TMEM117: variants seen among roughly 807,000 people sequenced by gnomAD.
TMEM117 encodes the protein transmembrane protein 117.
Under a neutral mutation model 52.4 loss-of-function variants are expected in TMEM117, and 27 were observed. That is an observed-to-expected ratio of 0.51 (90% CI 0.38 to 0.71). TMEM117 has a LOEUF of 0.71. Among genes scored for constraint, TMEM117 ranks in the 30% least tolerant of loss-of-function variants. The pLI is 0.00. For missense variants in TMEM117, 556 were observed against 630.5 expected (o/e 0.88, Z 1.26); for synonymous variants, 215 against 206.3 (o/e 1.04, Z -0.36).
At chr12:44,153,206 G>A (rs142798070) in intron 4 of TMEM117, among the ~76,000 whole-genome samples, 1 of 151,942 alleles carries the variant, frequency 6.6e-6, no homozygotes, top group African/African-American at 2.4e-5. Context: ...CTGAAGCTTA[G>A]GAGGTTAAGT....
chr12:43,966,638 A>G (rs1592399921), intron 3 of TMEM117, among the ~76,000 whole-genome samples: 1 of 152,204 alleles, frequency 6.6e-6, no homozygotes, highest in Admixed American at 6.5e-5. Flanking sequence ...GTTCAGTACT[A>G]TTAATAATAG....
intron 2 of TMEM117, among the ~76,000 whole-genome samples, chr12:43,881,979 G>A (rs1381292793): frequency 6.6e-6 from 1 of 151,836 alleles, no homozygotes; most frequent in East Asian, 1.9e-4. Flanking sequence ...GGCTGAGGCA[G>A]GAGAATGGCG....
chr12:44,376,969 A>G (rs1453825499), intron 7 of TMEM117, among the ~76,000 whole-genome samples: 1 of 152,148 alleles, frequency 6.6e-6, no homozygotes, highest in Admixed American at 6.6e-5. Context: ...AAATACAGAG[A>G]ATGGGGAAAG....
rs372074935 is a variant in TMEM117 at position 43,906,492 on chromosome 12, C to T, written c.278-37718C>T. Among the ~76,000 whole-genome samples, 31 of 151,050 alleles carry T rather than the reference C, an allele frequency of 2.1e-4. No individual in the cohort carries two copies. In the South Asian group the frequency reaches 6.5e-3, roughly 32 times the overall value. On this transcript the variant is annotated intron_variant, in intron 2 of 7. Coordinates refer to ENST00000266534, the MANE Select transcript of TMEM117 (RefSeq NM_032256.3). ...AAAAAAAAAGAAAGCGGGGGAGGAGCCAAGATGGCCGAATAGGAACAGCTC... is the reference window on the plus strand; with the variant it reads ...AAAAAAAAAGAAAGCGGGGGAGGAGTCAAGATGGCCGAATAGGAACAGCTC...
At chr12:43,936,721 TG>T (rs1944957361) in intron 2 of TMEM117, among the ~76,000 whole-genome samples, 1 of 152,196 alleles carries the variant, frequency 6.6e-6, no homozygotes, top group Admixed American at 6.5e-5. Flanking sequence ...TTAGGTCAGA[TG>T]CAGCCAGGAT....
intron 3 of TMEM117, among the ~76,000 whole-genome samples, chr12:43,975,608 G>C (rs139967060): frequency 1.3e-5 from 2 of 152,298 alleles, no homozygotes; most frequent in Admixed American, 1.3e-4. Flanking sequence ...TAGCTACATG[G>C]AGTTTTCCTA....
intron 2 of TMEM117, among the ~76,000 whole-genome samples, chr12:43,932,146 T>A (rs1307835055): frequency 6.6e-6 from 1 of 152,152 alleles, no homozygotes; most frequent in African/African-American, 2.4e-5. Flanking sequence ...CCATATGAGT[T>A]ACTATCATTA....
intron 2 of TMEM117, among the ~76,000 whole-genome samples, chr12:43,936,862 A>T (rs896480415): frequency 6.6e-6 from 1 of 152,156 alleles, no homozygotes; most frequent in Non-Finnish European, 1.5e-5. Flanking sequence ...TGTGATAAAG[A>T]TTACTCTTTC....
At chr12:43,913,953 A>G (rs1473693346) in intron 2 of TMEM117, among the ~76,000 whole-genome samples, 1 of 152,160 alleles carries the variant, frequency 6.6e-6, no homozygotes, top group East Asian at 1.9e-4. Context: ...ATATTGATGT[A>G]TTTTAATTGA....
intron 5 of TMEM117, among the ~76,000 whole-genome samples, chr12:44,242,907 G>T (rs1950081357): frequency 6.6e-6 from 1 of 151,298 alleles, no homozygotes; most frequent in African/African-American, 2.4e-5. Flanking sequence ...CCTTTTTTGT[G>T]CAACCTCGTG....
At chr12:44,017,325 C>CTTTT (rs1946388067) in intron 3 of TMEM117, among the ~76,000 whole-genome samples, 1 of 117,324 alleles carries the variant, frequency 8.5e-6, no homozygotes, top group Non-Finnish European at 1.7e-5. Context: ...TTCTTTCTTT[C>CTTTT]CTTTTTTTTT....
At chr12:43,843,113 A>T (rs572385224) in intron 1 of TMEM117, among the ~76,000 whole-genome samples, 1 of 152,230 alleles carries the variant, frequency 6.6e-6, no homozygotes, top group Non-Finnish European at 1.5e-5. Context: ...ATACACGCAG[A>T]CATCCAGCAC....
At chr12:44,046,604 G>A (rs955213544) in intron 3 of TMEM117, among the ~76,000 whole-genome samples, 1 of 152,146 alleles carries the variant, frequency 6.6e-6, no homozygotes, top group Non-Finnish European at 1.5e-5. Flanking sequence ...GCTTGCTGAA[G>A]GCAAAGGGAA....
At chr12:44,272,053 G>A (rs1045180985) in intron 5 of TMEM117, among the ~76,000 whole-genome samples, 1 of 152,048 alleles carries the variant, frequency 6.6e-6, no homozygotes, top group Admixed American at 6.6e-5. Flanking sequence ...ATACTCGTTA[G>A]AGTGGCTGCA....
At position 44,091,239 on chromosome 12, in the gene TMEM117, A is replaced by G. The variant is rs563332334; in HGVS notation, c.411-52286A>G. Among the ~76,000 whole-genome samples, 151 of 152,210 alleles carry G rather than the reference A, an allele frequency of 9.9e-4. 1 individual carries two copies. Among genetic ancestry groups the G allele is most frequent in the Non-Finnish European group, 2.0e-3 (135 of 68,010 alleles). On this transcript the variant is annotated intron_variant, in intron 3 of 7. Transcript: ENST00000266534. ...CTATCATGAGAATAACACAGGAAAG[A>G]CCAGCCCCCATGATTCAATTACCTC...
At chr12:43,910,601 G>T (rs185350971) in intron 2 of TMEM117, among the ~76,000 whole-genome samples, 2 of 152,010 alleles carry the variant, frequency 1.3e-5, no homozygotes, top group Non-Finnish European at 2.9e-5. Context: ...AAACCCCGTT[G>T]TCTCAGCCCA....
intron 2 of TMEM117, among the ~76,000 whole-genome samples, chr12:43,885,614 A>G (rs756479290): frequency 1.1e-3 from 162 of 151,256 alleles, no homozygotes; most frequent in Middle Eastern, 3.4e-3. Context: ...ATAAATATAT[A>G]CTTTATTTTT....
chr12:43,884,867 G>A (rs1234011669), intron 2 of TMEM117, among the ~76,000 whole-genome samples: 3 of 152,034 alleles, frequency 2.0e-5, no homozygotes, highest in African/African-American at 2.4e-5. Context: ...TATCAGTACT[G>A]CACAAAGCTC....
chr12:43,804,048 A>G, the TMEM117 span: 1 of 206,084 alleles, frequency 4.9e-6, no homozygotes, highest in African/African-American at 2.3e-5. Context: ...AGAAAGGGAA[A>G]TGATCATTTC....
Sources: allele counts gnomAD v4.1 joint callset (sites outside exome capture counted in the v4.1 genomes callset), GRCh38; gene constraint gnomAD v4.1.1; transcripts MANE v1.5; gene names NCBI Gene and HGNC (gene_info 2026-07-23, HGNC 2026-07-21).